The following ENKUR variants were observed in gnomAD, a reference collection of about 807,000 sequenced individuals.
The protein encoded by ENKUR is enkurin, TRPC channel interacting protein.
ENKUR carries 19 observed loss-of-function variants against 27.6 expected under a neutral mutation model. The ratio of observed to expected loss-of-function variants is 0.69; its 90% CI spans 0.48 to 1.01. ENKUR has a LOEUF of 1.01. ENKUR is among the 50% of genes least tolerant of loss of function. The pLI is 0.00. For synonymous variants in ENKUR, 117 were observed against 96.9 expected, an observed-to-expected ratio of 1.21 and a Z score of -1.22; for missense variants, 312 against 310.5, an observed-to-expected ratio of 1.00 and a Z score of -0.04.
At position 25,021,632 on chromosome 10, in the gene ENKUR, C is replaced by G. The variant is rs1038148044; in HGVS notation, c.38-25763G>C. Reference sequence around the variant, plus strand: ...AAACATATGAAAAGGGTCAATTTTTCTGTATTTTTAAAATTTCAGATGAGC... The same window carrying G: ...AAACATATGAAAAGGGTCAATTTTTGTGTATTTTTAAAATTTCAGATGAGC... On this transcript the variant is annotated intron_variant, in intron 2 of 5. Transcript: ENST00000615958. The G allele has an allele frequency of 9.2e-5, 14 of 152,198 alleles. No individual in the cohort carries two copies. The East Asian group carries it at 2.7e-3, about 29-fold the overall frequency. The allele number at this position is 152,198 out of a possible 1,614,324, so 9.4% of individuals were successfully genotyped here.
intron 3 of ENKUR, among the ~76,000 whole-genome samples, chr10:24,993,420 T>C (rs945589838): frequency 6.6e-5 from 10 of 152,236 alleles, no homozygotes; most frequent in Admixed American, 4.6e-4. Context: ...AGTTACTAAG[T>C]GGCAGAGTTA....
intron 2 of ENKUR, among the ~76,000 whole-genome samples, chr10:25,057,817 A>G (rs1032115639): frequency 6.6e-6 from 1 of 152,158 alleles, no homozygotes; most frequent in African/African-American, 2.4e-5. Flanking sequence ...GACCCTGCCC[A>G]GGGAATCTTG....
At chr10:25,013,719 G>A (rs369141888) in intron 1 of ENKUR, among the ~76,000 whole-genome samples, 2 of 152,270 alleles carry the variant, frequency 1.3e-5, no homozygotes, top group East Asian at 3.9e-4. Flanking sequence ...GAGGTGGGTG[G>A]ATTACTGGAG....
intron 3 of ENKUR, among the ~76,000 whole-genome samples, chr10:24,995,070 C>T (rs1032797205): frequency 1.3e-5 from 2 of 152,092 alleles, no homozygotes; most frequent in Non-Finnish European, 2.9e-5. Flanking sequence ...AATTACACAC[C>T]TTTTCAGATA....
At chr10:24,993,900 A>C (rs1388605966) in intron 3 of ENKUR, among the ~76,000 whole-genome samples, 1 of 152,172 alleles carries the variant, frequency 6.6e-6, no homozygotes, top group Non-Finnish European at 1.5e-5. Context: ...TTTTCATATG[A>C]TCATGGAGAA....
chr10:25,033,825 G>GTGTCTGTCTA (rs912241465), intron 2 of ENKUR, among the ~76,000 whole-genome samples: 1 of 148,620 alleles, frequency 6.7e-6, no homozygotes, highest in African/African-American at 2.5e-5. Flanking sequence ...GTGTGTGTGT[G>GTGTCTGTCTA]TCTATCTATC....
intron 2 of ENKUR, among the ~76,000 whole-genome samples, chr10:25,058,405 A>G (rs1851284830): frequency 6.6e-6 from 1 of 152,118 alleles, no homozygotes; most frequent in East Asian, 1.9e-4. Flanking sequence ...TGGGGGTCTC[A>G]CTATGATTTT....
At chr10:25,035,586 G>T (rs1276003251) in intron 2 of ENKUR, among the ~76,000 whole-genome samples, 2 of 151,608 alleles carry the variant, frequency 1.3e-5, no homozygotes, top group African/African-American at 4.8e-5. Context: ...TAAATTTATT[G>T]ATTTATAATG....
chr10:25,032,321 G>GGC (rs1850945046), intron 2 of ENKUR, among the ~76,000 whole-genome samples: 1 of 149,390 alleles, frequency 6.7e-6, no homozygotes, highest in African/African-American at 2.5e-5. Flanking sequence ...AGAAGGGGGG[G>GGC]GGGCTATGAT....
At chr10:24,999,721 T>C (rs1850146604) in intron 1 of ENKUR, among the ~76,000 whole-genome samples, 175 bp from the exon 2 acceptor site, 1 of 152,204 alleles carries the variant, frequency 6.6e-6, no homozygotes, top group Non-Finnish European at 1.5e-5. Flanking sequence ...ATAAACTAGA[T>C]GGAAGCTCTG....
At chr10:25,054,935 C>A (rs1851236293) in intron 2 of ENKUR, among the ~76,000 whole-genome samples, 3 of 152,086 alleles carry the variant, frequency 2.0e-5, no homozygotes, top group Non-Finnish European at 2.9e-5. Flanking sequence ...TTGGTTTCCC[C>A]AAGTGTTGAG....
intron 4 of ENKUR, among the ~76,000 whole-genome samples, chr10:24,989,136 A>G (rs189599000): frequency 6.6e-6 from 1 of 152,226 alleles, no homozygotes; most frequent in Admixed American, 6.5e-5. Context: ...AGGTGTAAAA[A>G]CCTGGCTTTC....
At chr10:25,008,352 G>A (rs16925231) in intron 1 of ENKUR, among the ~76,000 whole-genome samples, 2,520 of 152,262 alleles carry the variant, frequency 0.017, 76 homozygotes, top group African/African-American at 0.058. Context: ...AGTTAGCAAA[G>A]TGGGTAAGAC....
intron 2 of ENKUR, among the ~76,000 whole-genome samples, chr10:25,058,646 G>A (rs1851288564): frequency 6.6e-6 from 1 of 152,098 alleles, no homozygotes; most frequent in Admixed American, 6.5e-5. Context: ...GTAAGGAGGG[G>A]GAGGCCAGGT....
chr10:25,051,654 C>G (rs1851187215), intron 2 of ENKUR, among the ~76,000 whole-genome samples: 1 of 152,226 alleles, frequency 6.6e-6, no homozygotes, highest in Non-Finnish European at 1.5e-5. Context: ...GAGCAATCCA[C>G]CCCCATGACC....
rs1554768472 is a variant in ENKUR at position 24,984,848 on chromosome 10, T to A, written c.652A>T (p.Ile218Leu). ...CGGATCTTCTTTGGTATAGAATCTATAAAGACCGAGAGGGACTGGAATTCT... is the reference window on the plus strand; with the variant it reads ...CGGATCTTCTTTGGTATAGAATCTAAAAAGACCGAGAGGGACTGGAATTCT... ...HKEFQSLSVF[I>L]DSIPKKIRKQ... The change falls in exon 5 of 6, where the codon ATA (isoleucine) becomes TTA (leucine). Residue 218 changes from isoleucine (I) to leucine (L), a missense_variant. Coordinates refer to ENST00000331161, the MANE Select transcript of ENKUR (RefSeq NM_145010.4). The A allele has an allele frequency of 6.2e-7, 1 of 1,613,812 alleles. No homozygotes were observed. The highest frequency in any genetic ancestry group is 8.5e-7 in the Non-Finnish European group (1 of 1,179,850).
intron 2 of ENKUR, among the ~76,000 whole-genome samples, chr10:25,030,971 A>C (rs937589675): frequency 6.6e-6 from 1 of 152,134 alleles, no homozygotes; most frequent in Non-Finnish European, 1.5e-5. Context: ...TACAAAAATT[A>C]GCTGGGCATG....
At chr10:24,986,456 G>A (rs1362479522) in intron 4 of ENKUR, among the ~76,000 whole-genome samples, 2 of 152,176 alleles carry the variant, frequency 1.3e-5, no homozygotes, top group African/African-American at 2.4e-5. Context: ...CAGTGTATGC[G>A]ATGTATTCCA....
chr10:25,021,228 A>G (rs948061420), intron 2 of ENKUR, among the ~76,000 whole-genome samples: 2 of 152,230 alleles, frequency 1.3e-5, no homozygotes, highest in South Asian at 4.1e-4. Flanking sequence ...GCTAACCACT[A>G]TGATATGTGC....
Sources: gnomAD v4.1 joint callset for allele counts (sites outside exome capture counted in the v4.1 genomes callset) on GRCh38, gnomAD v4.1.1 for gene constraint, MANE v1.5 for transcripts, NCBI Gene and HGNC (gene_info 2026-07-23, HGNC 2026-07-21) for gene names.